The following YIF1B variants were observed in gnomAD, a reference collection of about 807,000 sequenced individuals.
YIF1B encodes the protein protein YIF1B.
Under a neutral mutation model 34.6 loss-of-function variants are expected in YIF1B, and 24 were observed. The ratio of observed to expected loss-of-function variants is 0.69; its 90% confidence interval spans 0.50 to 0.98. The LOEUF is 0.98. Ranked by LOEUF, YIF1B falls within the 50% of genes least tolerant of loss-of-function variation. YIF1B has a pLI of 0.00. For missense variants in YIF1B, 368 were observed against 429.4 expected, an observed-to-expected ratio of 0.86 and a Z score of 1.26; for synonymous variants, 186 against 184.8, an observed-to-expected ratio of 1.01 and a Z score of -0.05.
Position 38,315,940 on chromosome 19 carries a change from C to G in YIF1B, c.-23G>C, listed in dbSNP as rs780495522. ...CATCCTTCGCCGCCGCCACCTAAGC[C>G]GCGGTTCGGAGCGTGCCCGCCCGGC... is the stretch of plus-strand genomic sequence containing the variant. On this transcript the variant is annotated 5_prime_UTR_variant, in exon 1 of 8. Coordinates refer to ENST00000339413, the MANE Select transcript of YIF1B (RefSeq NM_001039672.3). 1 of 1,433,640 alleles carries G rather than the reference C, an allele frequency of 7.0e-7. No individual in the cohort carries two copies. The highest frequency in any genetic ancestry group is 1.4e-5 in the South Asian group (1 of 70,208). 88.8% of individuals were successfully genotyped at this position (1,433,640 alleles called of 1,614,324 possible).
At position 38,307,727 on chromosome 19, in the gene YIF1B, G is replaced by A. The variant is rs1969123332; in HGVS notation, c.565C>T (p.Gln189Ter). The A allele has an allele frequency of 6.2e-7, 1 of 1,613,004 alleles. No homozygotes were observed. Among genetic ancestry groups the A allele is most frequent in the Non-Finnish European group, 8.5e-7 (1 of 1,179,988 alleles). ...AGCCAGGCCAGGGCTGAGCTCGCTT[G>A]CAGCCCCAGGAGGTCTGGGGAGAAC... is the stretch of plus-strand genomic sequence containing the variant. ...DRFSPDLLGL[Q>*]ASSALAWLTL... Residue 189 changes from glutamine (Q) to a stop codon, truncating the protein, a stop_gained, in exon 6 of 8, where the codon CAA becomes TAA. Coordinates refer to ENST00000339413, the MANE Select transcript of YIF1B (RefSeq NM_001039672.3). LOFTEE classifies it high-confidence loss of function.
chr19:38,321,025 TTATCTC>T (rs1379432468), upstream of YIF1B, among the ~76,000 whole-genome samples: 16 of 151,870 alleles, frequency 1.1e-4, no homozygotes, highest in Non-Finnish European at 1.8e-4. Flanking sequence ...ACCCCTGACT[TTATCTC>T]TAGTCTGGGC....
At chr19:38,313,736 T>A (rs1253567845) in intron 1 of YIF1B, among the ~76,000 whole-genome samples, 1 of 152,348 alleles carries the variant, frequency 6.6e-6, no homozygotes, top group East Asian at 1.9e-4. Flanking sequence ...ACATGGCCTT[T>A]CAGGCCCCGA....
At chr19:38,318,873 CG>C (rs953135016), upstream of YIF1B, among the ~76,000 whole-genome samples, 5 of 151,942 alleles carry the variant, frequency 3.3e-5, no homozygotes, top group Admixed American at 6.6e-5. Context: ...GAGAGACTTA[CG>C]GGGGGGCGCA....
At chr19:38,309,149 C>A in intron 3 of YIF1B, 75 bp downstream of exon 3, 2 of 1,580,300 alleles carry the variant, frequency 1.3e-6, no homozygotes, top group African/African-American at 1.3e-5. Context: ...TCTCCCGGCT[C>A]CACCATGCAC....
upstream of YIF1B, among the ~76,000 whole-genome samples, chr19:38,317,770 G>C (rs909864018): frequency 6.6e-6 from 1 of 151,732 alleles, no homozygotes; most frequent in Non-Finnish European, 1.5e-5. Flanking sequence ...AGTAGAGACA[G>C]GGTTTCGCCA....
upstream of YIF1B, among the ~76,000 whole-genome samples, chr19:38,320,851 A>C (rs1969644127): frequency 6.6e-6 from 1 of 151,986 alleles, no homozygotes. Flanking sequence ...GAGCCACTGC[A>C]CTGGGACTGC....
intron 7 of YIF1B, chr19:38,306,601 T>G (rs1969050500): frequency 1.0e-5 from 2 of 200,992 alleles, no homozygotes; most frequent in South Asian, 1.4e-4. Context: ...GCTTCTCACA[T>G]GCTCACAGTG....
At chr19:38,312,449 C>G (rs952833102) in intron 1 of YIF1B, among the ~76,000 whole-genome samples, 1 of 151,994 alleles carries the variant, frequency 6.6e-6, no homozygotes, top group African/African-American at 2.4e-5. Context: ...AATACTGTCT[C>G]TATAGATCCT....
Position 38,304,894 on chromosome 19 carries a change from A to G in YIF1B, c.*458T>C. On this transcript the variant is annotated 3_prime_UTR_variant, in exon 8 of 8. Transcript: ENST00000339413. ...CACGAGAGCATCCCGGGCAAGGCCA[A>G]GAAGCCCAAAGTGAAGAAGAAGGAG... is the stretch of plus-strand genomic sequence containing the variant. 6.2e-7 allele frequency: 1 copy of G among 1,611,786 alleles called. No individual in the cohort carries two copies. The highest frequency in any genetic ancestry group is 8.5e-7 in the Non-Finnish European group (1 of 1,179,244).
chr19:38,318,179 C>T (rs1156916591), upstream of YIF1B, among the ~76,000 whole-genome samples: 2 of 109,598 alleles, frequency 1.8e-5, no homozygotes, highest in Non-Finnish European at 3.4e-5. Flanking sequence ...GGAGACAGAG[C>T]GAGACTCTTG....
chr19:38,317,199 C>G (rs1049833661), upstream of YIF1B: 13 of 152,530 alleles, frequency 8.5e-5, no homozygotes, highest in African/African-American at 3.1e-4. Flanking sequence ...TCTCTCCTCT[C>G]TCTGACTCTC....
intron 1 of YIF1B, among the ~76,000 whole-genome samples, chr19:38,314,560 G>A (rs777245112): frequency 2.7e-4 from 41 of 151,108 alleles, no homozygotes; most frequent in Non-Finnish European, 4.4e-5. Context: ...GCTGGGCACC[G>A]TGACTCATGC....
At chr19:38,307,126 A>T (rs1453992197) in intron 7 of YIF1B, 1 of 495,580 alleles carries the variant, frequency 2.0e-6, no homozygotes, top group Non-Finnish European at 3.9e-6. Context: ...CTTCCAGGGA[A>T]ATTCTGGCAG....
At chr19:38,307,351 T>C in intron 7 of YIF1B, 77 bp downstream of exon 7, 1 of 1,481,152 alleles carries the variant, frequency 6.8e-7, no homozygotes, top group South Asian at 1.2e-5. Context: ...ACCCCACACC[T>C]GACATCCTCT....
chr19:38,308,253 G>C lies in YIF1B; in HGVS notation c.540-501C>G, dbSNP rs545379527. 3.0e-3 allele frequency among the ~76,000 whole-genome samples: 459 copies of C among 152,250 alleles called. 1 individual carries two copies. The highest frequency in any genetic ancestry group is 0.011 in the African/African-American group (441 of 41,544). On this transcript the variant is annotated intron_variant, in intron 5 of 7. Transcript: ENST00000339413. ...AGCCAGCAGGGATGTGCAGGTACTC[G>C]GCAGTAGTGGAGGGGAACACGCTCC...
Position 38,304,687 on chromosome 19 carries a change from G to A in YIF1B, c.*665C>T. The A allele has an allele frequency of 6.2e-7, 1 of 1,613,686 alleles. No homozygotes were observed. The highest frequency in any genetic ancestry group is 1.7e-5 in the Admixed American group (1 of 60,018). ...CAGCGATTCGGACACGGATGTGAAGGTAAGGGGCTCTCGCCAGCGTCCCCA... is the reference window on the plus strand; with the variant it reads ...CAGCGATTCGGACACGGATGTGAAGATAAGGGGCTCTCGCCAGCGTCCCCA... On this transcript the variant is annotated 3_prime_UTR_variant, in exon 8 of 8. Transcript: ENST00000339413.
In YIF1B at chr19:38,304,890, G is replaced by A; in HGVS notation, c.*462C>T. On this transcript the variant is annotated 3_prime_UTR_variant, in exon 8 of 8. Coordinates refer to ENST00000339413, the MANE Select transcript of YIF1B (RefSeq NM_001039672.3). Reference sequence around the variant, plus strand: ...GCAGCACGAGAGCATCCCGGGCAAGGCCAAGAAGCCCAAAGTGAAGAAGAA... The same window carrying A: ...GCAGCACGAGAGCATCCCGGGCAAGACCAAGAAGCCCAAAGTGAAGAAGAA... The A allele has an allele frequency of 6.2e-7, 1 of 1,612,760 alleles. No homozygotes were observed. Among genetic ancestry groups the A allele is most frequent in the South Asian group, 1.1e-5 (1 of 90,984 alleles).
chr19:38,317,427 C>T (rs1383270448), upstream of YIF1B, among the ~76,000 whole-genome samples: 1 of 152,226 alleles, frequency 6.6e-6, no homozygotes, highest in East Asian at 1.9e-4. Context: ...ACTGTGGTTC[C>T]TTTTTGTGAG....
Sources: allele counts gnomAD v4.1 joint callset (sites outside exome capture counted in the v4.1 genomes callset), GRCh38; gene constraint gnomAD v4.1.1; transcripts MANE v1.5; gene names NCBI Gene and HGNC (gene_info 2026-07-23, HGNC 2026-07-21).